PCDHGA5: variants seen among roughly 807,000 people sequenced by gnomAD.
The protein encoded by PCDHGA5 is protocadherin gamma subfamily A, 5.
In PCDHGA5, 36 loss-of-function variants were observed where a neutral mutation model predicts 56.7. That is an observed-to-expected ratio of 0.64 (90% CI 0.49 to 0.84). The LOEUF is 0.84. Among genes scored for constraint, PCDHGA5 ranks in the 40% least tolerant of loss-of-function variants. The pLI is 0.00. For synonymous variants in PCDHGA5, 563 were observed against 520.2 expected, an observed-to-expected ratio of 1.08 and a Z score of -1.12; for missense variants, 1,305 against 1,201.5, an observed-to-expected ratio of 1.09 and a Z score of -1.27.
chr5:141,439,889 C>T (rs997306014), intron 1 of PCDHGA5: 1 of 152,348 alleles, frequency 6.6e-6, no homozygotes, highest in Admixed American at 6.5e-5. Context: ...CTGGGTAGAA[C>T]CAAGGCGACT....
intron 1 of PCDHGA5, chr5:141,413,731 G>A (rs1008251304): frequency 6.2e-7 from 1 of 1,613,454 alleles, no homozygotes; most frequent in South Asian, 1.1e-5. Context: ...CTCCCTAAGA[G>A]TTCAGAGCCG....
chr5:141,376,710 C>A lies in PCDHGA5; in HGVS notation c.2421+9959C>A, dbSNP rs967144900. 118 of 619,882 alleles carry A rather than the reference C, an allele frequency of 1.9e-4. No individual in the cohort carries two copies. The East Asian group carries it at 3.7e-3, about 19-fold the overall frequency. 38.4% of individuals were successfully genotyped at this position (619,882 alleles called of 1,614,324 possible). Reference sequence around the variant, plus strand: ...TTTTTTTTTTTTTGAGACGGAGTCTCGCTCTGTCGCCCAGGCCGGACTGCG... The same window carrying A: ...TTTTTTTTTTTTTGAGACGGAGTCTAGCTCTGTCGCCCAGGCCGGACTGCG... On this transcript the variant is annotated intron_variant, in intron 1 of 3. Transcript: ENST00000518069.
rs765318875 is a variant in PCDHGA5 at position 141,489,896 on chromosome 5, C to A, written c.2422-4911C>A. On this transcript the variant is annotated intron_variant, in intron 1 of 3. Coordinates refer to ENST00000518069, the MANE Select transcript of PCDHGA5 (RefSeq NM_018918.3). This position sits in a 1 kb window ranked among gnomAD's most constrained non-coding sequence, Gnocchi z 4.5. ...GTGCTTACTGCTGTGGATGGGGGGA[C>A]CCCAGCCCGCTCAGGGACCACCCTT... 5 of 1,614,062 alleles carry A rather than the reference C, an allele frequency of 3.1e-6. No homozygotes were observed.
Position 141,490,942 on chromosome 5 carries a change from C to T in PCDHGA5, c.2422-3865C>T, listed in dbSNP as rs371286343. On this transcript the variant is annotated intron_variant, in intron 1 of 3. Coordinates refer to ENST00000518069, the MANE Select transcript of PCDHGA5 (RefSeq NM_018918.3). This position sits in a 1 kb window ranked among gnomAD's most constrained non-coding sequence, Gnocchi z 5.4. ...TAATGCCCCAGCTGTGCTGCACCCA[C>T]GGCCAGACTGGGAACACTCAGCCCC... 8.7e-5 allele frequency: 141 copies of T among 1,613,526 alleles called. No individual in the cohort carries two copies. Among genetic ancestry groups the T allele is most frequent in the Non-Finnish European group, 1.1e-4 (126 of 1,179,768 alleles).
In PCDHGA5 at chr5:141,432,085, G is replaced by A. The variant is rs144065251; in HGVS notation, c.2422-62722G>A. 2.2e-4 allele frequency: 353 copies of A among 1,614,164 alleles called. 1 individual carries two copies. The African/African-American group carries it at 4.2e-3, about 19-fold the overall frequency. ...CGGAAACTCATATCTCGCTGAACGT[G>A]GCAGACACCAACGACAACCCGCCGG... On this transcript the variant is annotated intron_variant, in intron 1 of 3. Transcript: ENST00000518069. This position sits in a 1 kb window ranked among gnomAD's most constrained non-coding sequence, Gnocchi z 6.0.
chr5:141,462,414 T>C (rs549473269), intron 1 of PCDHGA5, among the ~76,000 whole-genome samples: 1 of 152,360 alleles, frequency 6.6e-6, no homozygotes, highest in Non-Finnish European at 1.5e-5. Flanking sequence ...CAGAATATGG[T>C]CTATCTTGGT....
intron 1 of PCDHGA5, chr5:141,421,223 C>T: frequency 6.3e-7 from 1 of 1,580,314 alleles, no homozygotes. Context: ...GGCTTAGAGC[C>T]TGCCATGGCG....
In PCDHGA5 at chr5:141,408,707, G is replaced by A. The variant is rs899200128; in HGVS notation, c.2421+41956G>A. On this transcript the variant is annotated intron_variant, in intron 1 of 3. Coordinates refer to ENST00000518069, the MANE Select transcript of PCDHGA5 (RefSeq NM_018918.3). ...TGATATAAACATAAACTCAATTAAAGATTATAAGATAAACTCTAATCCTTA... is the reference window on the plus strand; with the variant it reads ...TGATATAAACATAAACTCAATTAAAAATTATAAGATAAACTCTAATCCTTA... 1.9e-6 allele frequency: 3 copies of A among 1,612,764 alleles called. No homozygotes were observed. In the African/African-American group the frequency reaches 4.0e-5, roughly 22 times the overall value.
intron 1 of PCDHGA5, chr5:141,419,710 C>T: frequency 6.2e-7 from 1 of 1,613,168 alleles, no homozygotes; most frequent in South Asian, 1.1e-5. Context: ...CCGGGCTCTT[C>T]AGCCTGGGGC....
chr5:141,376,351 G>C (rs1333788917), intron 1 of PCDHGA5: 31 of 1,614,060 alleles, frequency 1.9e-5, no homozygotes, highest in Non-Finnish European at 2.6e-5. Flanking sequence ...ATTCCCACGA[G>C]GTCTCACTCA....
intron 1 of PCDHGA5, chr5:141,399,734 C>T: frequency 6.2e-7 from 1 of 1,613,338 alleles, no homozygotes; most frequent in Non-Finnish European, 8.5e-7. Context: ...CAGGGCTCGC[C>T]TGCGCTCAGC....
At position 141,490,908 on chromosome 5, in the gene PCDHGA5, C is replaced by A; in HGVS notation, c.2422-3899C>A. On this transcript the variant is annotated intron_variant, in intron 1 of 3. Coordinates refer to ENST00000518069, the MANE Select transcript of PCDHGA5 (RefSeq NM_018918.3). The surrounding 1 kb of genome is among the most constrained non-coding windows in gnomAD (Gnocchi z 5.4). The stretch of plus-strand genomic sequence containing the variant: ...CATCTCTGCATGTGTTTGTCCTAGA[C>A]GAGAATGATAATGCCCCAGCTGTGC... The A allele has an allele frequency of 6.2e-7, 1 of 1,613,710 alleles. No homozygotes were observed. Among genetic ancestry groups the A allele is most frequent in the Non-Finnish European group, 8.5e-7 (1 of 1,179,754 alleles).
intron 1 of PCDHGA5, among the ~76,000 whole-genome samples, chr5:141,488,225 T>G (rs2099673126): frequency 6.6e-6 from 1 of 152,136 alleles, no homozygotes. Flanking sequence ...CTACTGGGGA[T>G]TTGAACTAGA....
At chr5:141,464,430 T>C (rs1213919443) in intron 1 of PCDHGA5, among the ~76,000 whole-genome samples, 1 of 151,680 alleles carries the variant, frequency 6.6e-6, no homozygotes, top group Non-Finnish European at 1.5e-5. Flanking sequence ...TATATAGATA[T>C]ATATGTTTGT....
chr5:141,417,751 C>T, intron 1 of PCDHGA5: 1 of 1,427,514 alleles, frequency 7.0e-7, no homozygotes, highest in Non-Finnish European at 9.2e-7. Flanking sequence ...AGATTGCCAG[C>T]TCCGAGACCC....
rs766110369 is a variant in PCDHGA5 at position 141,366,029 on chromosome 5, C to T, written c.1699C>T (p.Leu567Phe). Residue 567 changes from leucine to phenylalanine, a missense_variant, in exon 1 of 4, where the codon CTC becomes TTC. By Grantham distance (22) the Leu-to-Phe change is conservative. Transcript: ENST00000518069. ...TACGCCTGAGATCCTGTACCCCGCCCTCCCCACAGACGGTTCCACGGGCGT... is the reference window on the plus strand; with the variant it reads ...TACGCCTGAGATCCTGTACCCCGCCTTCCCCACAGACGGTTCCACGGGCGT... ...DNTPEILYPA[L>F]PTDGSTGVEL... is the part of the protein sequence containing the mutation. 7 of 1,614,260 alleles carry T rather than the reference C, an allele frequency of 4.3e-6. No homozygotes were observed. The highest frequency in any genetic ancestry group is 5.9e-6 in the Non-Finnish European group (7 of 1,180,050).
At chr5:141,481,894 A>G (rs1278425155) in intron 1 of PCDHGA5, among the ~76,000 whole-genome samples, 1 of 145,812 alleles carries the variant, frequency 6.9e-6, no homozygotes, top group Non-Finnish European at 1.5e-5. Flanking sequence ...AGCCTGGGTG[A>G]AAGAGCGAAA....
At chr5:141,423,495 C>T in intron 1 of PCDHGA5, 1 of 1,613,946 alleles carries the variant, frequency 6.2e-7, no homozygotes, top group African/African-American at 1.3e-5. Context: ...CCTATTCCCA[C>T]GAGGTCTCTC....
chr5:141,491,407 G>A lies in PCDHGA5; in HGVS notation c.2422-3400G>A. ...GAAGTGCCTTCAGGGAAACGCAGAC[G>A]GGGACGGGGGTGGAGGGCAGTGCTG... is the stretch of plus-strand genomic sequence containing the variant. On this transcript the variant is annotated intron_variant, in intron 1 of 3. Transcript: ENST00000518069. The surrounding 1 kb of genome is among the most constrained non-coding windows in gnomAD (Gnocchi z 6.9). The A allele has an allele frequency of 6.2e-7, 1 of 1,614,116 alleles. No individual in the cohort carries two copies. The highest frequency in any genetic ancestry group is 8.5e-7 in the Non-Finnish European group (1 of 1,180,000).
Sources: allele counts gnomAD v4.1 joint callset (sites outside exome capture counted in the v4.1 genomes callset), GRCh38; gene constraint gnomAD v4.1.1; non-coding constraint Gnocchi (gnomAD v3.1); transcripts MANE v1.5; gene names NCBI Gene and HGNC (gene_info 2026-07-23, HGNC 2026-07-21).